Variants in CWH43 observed in about 807,000 individuals in gnomAD.
CWH43 encodes the protein PGAP2-interacting protein.
Under a neutral mutation model 85.7 loss-of-function variants are expected in CWH43, and 91 were observed. The ratio of observed to expected loss-of-function variants is 1.06; its 90% confidence interval spans 0.90 to 1.26. CWH43 has a LOEUF of 1.26. Ranked by LOEUF, CWH43 falls within the 50% of genes most tolerant of loss-of-function variation. CWH43 has a pLI of 0.00. For synonymous variants in CWH43, 323 were observed against 293.6 expected, an observed-to-expected ratio of 1.10 and a Z score of -1.02; for missense variants, 869 against 839.2, an observed-to-expected ratio of 1.04 and a Z score of -0.44.
At chr4:49,041,634 G>A (rs1358098228) in intron 13 of CWH43, among the ~76,000 whole-genome samples, 1 of 152,186 alleles carries the variant, frequency 6.6e-6, no homozygotes, top group Non-Finnish European at 1.5e-5. Context: ...TCCGCTTAAG[G>A]AGATGTATTT....
chr4:49,031,210 G>A (rs1784085871), intron 11 of CWH43: 1 of 377,504 alleles, frequency 2.6e-6, no homozygotes. Context: ...CACCAAGCAT[G>A]TCTGGCCTGG....
chr4:49,048,439 A>G (rs1784698613), intron 14 of CWH43, among the ~76,000 whole-genome samples: 2 of 151,878 alleles, frequency 1.3e-5, no homozygotes, highest in South Asian at 2.1e-4. Context: ...TTATTTATGT[A>G]TGAATTTAAT....
intron 8 of CWH43, among the ~76,000 whole-genome samples, chr4:49,012,008 G>T (rs1230271242): frequency 1.3e-5 from 2 of 152,238 alleles, no homozygotes; most frequent in East Asian, 1.9e-4. Context: ...TCCTGAATTT[G>T]AATGTTGGCT....
intron 8 of CWH43, 125 bp downstream of exon 8, chr4:49,007,451 A>T: frequency 8.6e-7 from 1 of 1,163,042 alleles, no homozygotes; most frequent in Non-Finnish European, 1.1e-6. Context: ...ACATTTTGCC[A>T]TGTTGTTAAT....
chr4:48,996,111 T>C (rs1782804129), intron 5 of CWH43, among the ~76,000 whole-genome samples: 1 of 152,134 alleles, frequency 6.6e-6, no homozygotes, highest in African/African-American at 2.4e-5. Flanking sequence ...TGCCAGACTG[T>C]TCCTGTCCCC....
chr4:49,042,588 G>A (rs779386409), intron 13 of CWH43, among the ~76,000 whole-genome samples: 1 of 152,152 alleles, frequency 6.6e-6, no homozygotes, highest in Non-Finnish European at 1.5e-5. Flanking sequence ...CCACCATGTA[G>A]GGAAGCGTTG....
intron 2 of CWH43, among the ~76,000 whole-genome samples, chr4:48,990,222 T>C (rs1384353750): frequency 6.6e-6 from 1 of 152,220 alleles, no homozygotes; most frequent in African/African-American, 2.4e-5. Context: ...CTTTTCACTT[T>C]CTTCCTCCAT....
chr4:49,039,320 T>G lies in CWH43; in HGVS notation c.1803+1140T>G, dbSNP rs200531157. Reference sequence around the variant, plus strand: ...CTCAGGAGACTGATATATATATATATATATATATATATACTGATGTATATA... The same window carrying G: ...CTCAGGAGACTGATATATATATATAGATATATATATATACTGATGTATATA... On this transcript the variant is annotated intron_variant, in intron 13 of 15. Transcript: ENST00000226432. Among the ~76,000 whole-genome samples the G allele has an allele frequency of 3.6e-4, 11 of 30,218 alleles. 2 individuals are homozygous for G. The highest frequency in any genetic ancestry group is 6.7e-4 in the Non-Finnish European group (8 of 11,864). The allele number at this position is 30,218 out of a possible 152,430, so 19.8% of individuals were successfully genotyped here.
intron 13 of CWH43, among the ~76,000 whole-genome samples, chr4:49,039,425 A>G (rs2109821203): frequency 7.1e-6 from 1 of 140,000 alleles, no homozygotes; most frequent in Admixed American, 7.3e-5. Context: ...TGATATATAT[A>G]TACACTTATA....
intron 13 of CWH43, 104 bp from the exon 14 acceptor site, chr4:49,044,682 A>G: frequency 1.2e-6 from 1 of 811,378 alleles, no homozygotes; most frequent in East Asian, 2.6e-5. Flanking sequence ...AGAAAACAGC[A>G]TGTACAAAGA....
At chr4:49,056,625 A>T (rs1398594535) in intron 15 of CWH43, among the ~76,000 whole-genome samples, 1 of 151,706 alleles carries the variant, frequency 6.6e-6, no homozygotes. Flanking sequence ...TCTTAGTTTC[A>T]TATTTTTTTT....
chr4:49,020,066 T>A (rs1227961823), intron 9 of CWH43, among the ~76,000 whole-genome samples: 1 of 152,070 alleles, frequency 6.6e-6, no homozygotes, highest in Non-Finnish European at 1.5e-5. Flanking sequence ...TACGTGAATA[T>A]GTTATTTAGT....
At chr4:49,061,537 A>C (rs1453390204) in intron 15 of CWH43, among the ~76,000 whole-genome samples, 3 of 152,200 alleles carry the variant, frequency 2.0e-5, no homozygotes, top group Non-Finnish European at 2.9e-5. Context: ...CTATAAGAGA[A>C]TATTATTCAA....
At chr4:49,033,848 C>G (rs527310299) in intron 12 of CWH43, among the ~76,000 whole-genome samples, 6 of 152,254 alleles carry the variant, frequency 3.9e-5, no homozygotes, top group African/African-American at 1.2e-4. Context: ...CAAGCTTTGC[C>G]TGCATTAATG....
chr4:49,038,620 A>C (rs1472829944), intron 13 of CWH43, among the ~76,000 whole-genome samples: 3 of 152,214 alleles, frequency 2.0e-5, no homozygotes, highest in Non-Finnish European at 4.4e-5. Flanking sequence ...TGTAAGTCAT[A>C]TACTGTTACT....
At chr4:49,017,879 G>A (rs746975993) in intron 9 of CWH43, among the ~76,000 whole-genome samples, 11 of 151,796 alleles carry the variant, frequency 7.2e-5, no homozygotes, top group Non-Finnish European at 1.2e-4. Context: ...TCTGCCGCCC[G>A]GCTGGAGTGC....
chr4:49,033,700 A>G (rs1333995990), intron 12 of CWH43, among the ~76,000 whole-genome samples: 1 of 152,234 alleles, frequency 6.6e-6, no homozygotes, highest in African/African-American at 2.4e-5. Context: ...AACCAGTGAC[A>G]GTACTGAATA....
intron 6 of CWH43, among the ~76,000 whole-genome samples, chr4:48,999,339 G>A (rs1475799141): frequency 6.6e-6 from 1 of 152,132 alleles, no homozygotes; most frequent in Admixed American, 6.5e-5. Context: ...GGGCATTTAG[G>A]TTGATTCCAT....
intron 15 of CWH43, among the ~76,000 whole-genome samples, chr4:49,052,178 G>A (rs1409666091): frequency 6.6e-6 from 1 of 152,102 alleles, no homozygotes; most frequent in Non-Finnish European, 1.5e-5. Flanking sequence ...TTATCACCAA[G>A]TCTAGATTTG....
Sources: gnomAD v4.1 joint callset for allele counts (sites outside exome capture counted in the v4.1 genomes callset) on GRCh38, gnomAD v4.1.1 for gene constraint, MANE v1.5 for transcripts, NCBI Gene and HGNC (gene_info 2026-07-23, HGNC 2026-07-21) for gene names.